Variants in ENTREP2 observed in about 807,000 individuals in gnomAD.
ENTREP2 encodes protein ENTREP2.
chr15:29,351,958 AG>A, the ENTREP2 span, among the ~76,000 whole-genome samples: 1 of 151,660 alleles, frequency 6.6e-6, no homozygotes, highest in African/African-American at 2.4e-5. Context: ...TTCTGTAGAC[AG>A]GGTCTTGCTA....
At chr15:29,186,464 G>T in the ENTREP2 span, among the ~76,000 whole-genome samples, 2 of 152,212 alleles carry the variant, frequency 1.3e-5, no homozygotes, top group South Asian at 4.1e-4. Context: ...TTCAACTCTG[G>T]GACTGCAATC....
chr15:29,164,455 A>G, the ENTREP2 span, among the ~76,000 whole-genome samples: 1 of 152,190 alleles, frequency 6.6e-6, no homozygotes, highest in Non-Finnish European at 1.5e-5. Context: ...CACCTAACAC[A>G]TAAGGACTCA....
the ENTREP2 span, among the ~76,000 whole-genome samples, chr15:29,491,421 T>C: frequency 6.6e-6 from 1 of 152,198 alleles, no homozygotes; most frequent in Non-Finnish European, 1.5e-5. Context: ...GCTAGCACAT[T>C]GTCACCTCTC....
the ENTREP2 span, among the ~76,000 whole-genome samples, chr15:29,259,499 G>A: frequency 6.6e-6 from 1 of 152,160 alleles, no homozygotes; most frequent in Non-Finnish European, 1.5e-5. Context: ...AAGACACCCT[G>A]TGTCCCAGCA....
chr15:29,356,640 G>A, the ENTREP2 span, among the ~76,000 whole-genome samples: 1 of 151,730 alleles, frequency 6.6e-6, no homozygotes, highest in Admixed American at 6.6e-5. Context: ...TGATATAGAA[G>A]TTAAAAATAA....
At chr15:29,577,544 G>A in the ENTREP2 span, among the ~76,000 whole-genome samples, 8 of 151,972 alleles carry the variant, frequency 5.3e-5, no homozygotes, top group African/African-American at 1.9e-4. Context: ...TGTAGAGATG[G>A]GGTTTTGCCG....
the ENTREP2 span, among the ~76,000 whole-genome samples, chr15:29,345,898 C>T: frequency 4.6e-5 from 7 of 152,154 alleles, no homozygotes; most frequent in Admixed American, 1.3e-4. Context: ...ATGATCGCAG[C>T]GGACATTTAT....
chr15:29,419,399 T>C, the ENTREP2 span, among the ~76,000 whole-genome samples: 2 of 151,952 alleles, frequency 1.3e-5, no homozygotes, highest in Non-Finnish European at 2.9e-5. Flanking sequence ...ATAAGACTAG[T>C]AAACAGCAAG....
chr15:29,649,614 G>A, the ENTREP2 span, among the ~76,000 whole-genome samples: 1 of 151,558 alleles, frequency 6.6e-6, no homozygotes, highest in African/African-American at 2.4e-5. Flanking sequence ...CCAGCTACTT[G>A]GAGGCTGAGG....
At chr15:29,462,043 T>A in the ENTREP2 span, among the ~76,000 whole-genome samples, 1 of 152,188 alleles carries the variant, frequency 6.6e-6, no homozygotes, top group Non-Finnish European at 1.5e-5. Flanking sequence ...CTCAGCACCA[T>A]GTCAAGGTTC....
At chr15:29,612,772 G>C in the ENTREP2 span, 6 of 176,922 alleles carry the variant, frequency 3.4e-5, no homozygotes, top group African/African-American at 1.4e-4. Flanking sequence ...GGTGGATCCA[G>C]AACCTGGGAT....
At chr15:29,664,096 A>G in the ENTREP2 span, among the ~76,000 whole-genome samples, 1 of 151,856 alleles carries the variant, frequency 6.6e-6, no homozygotes, top group South Asian at 2.1e-4. Context: ...CTCCCAGCAT[A>G]TATTACAATC....
the ENTREP2 span, among the ~76,000 whole-genome samples, chr15:29,510,871 T>G: frequency 6.6e-6 from 1 of 150,710 alleles, no homozygotes; most frequent in East Asian, 1.9e-4. Context: ...TAAAAAAGAA[T>G]GAGTTCATGT....
the ENTREP2 span, among the ~76,000 whole-genome samples, chr15:29,643,420 CAT>C: frequency 3.9e-5 from 6 of 152,138 alleles, no homozygotes; most frequent in African/African-American, 9.7e-5. Flanking sequence ...ATCTAAACCA[CAT>C]GAGACGGCAC....
the ENTREP2 span, among the ~76,000 whole-genome samples, chr15:29,159,291 A>C: frequency 6.6e-6 from 1 of 151,800 alleles, no homozygotes; most frequent in Non-Finnish European, 1.5e-5. Flanking sequence ...TCCTCCCGAT[A>C]GGTTCGTGGT....
chr15:29,657,078 C>A, the ENTREP2 span, among the ~76,000 whole-genome samples: 1 of 152,146 alleles, frequency 6.6e-6, no homozygotes, highest in Non-Finnish European at 1.5e-5. Context: ...GACCGAGTCT[C>A]CCGCTGTTCC....
At chr15:29,478,424 C>T in the ENTREP2 span, among the ~76,000 whole-genome samples, 32 of 152,134 alleles carry the variant, frequency 2.1e-4, no homozygotes, top group African/African-American at 7.0e-4. Flanking sequence ...TTCTTTCATG[C>T]ACCTCAAGTC....
chr15:29,560,569 C>A, the ENTREP2 span, among the ~76,000 whole-genome samples: 1 of 152,194 alleles, frequency 6.6e-6, no homozygotes, highest in Non-Finnish European at 1.5e-5. Flanking sequence ...GCACAGTCAT[C>A]ATTCCCAGGG....
chr15:29,126,197 C>A, the ENTREP2 span: 1 of 1,249,252 alleles, frequency 8.0e-7, no homozygotes, highest in Non-Finnish European at 1.1e-6. Context: ...TCTCAGGGGT[C>A]ACTGAGACCT....
Sources: gnomAD v4.1 joint callset for allele counts (sites outside exome capture counted in the v4.1 genomes callset) on GRCh38, gnomAD v4.1.1 for gene constraint, MANE v1.5 for transcripts, NCBI Gene and HGNC (gene_info 2026-07-23, HGNC 2026-07-21) for gene names.